The following TIPRL variants were observed in gnomAD, a reference collection of about 807,000 sequenced individuals.
TIPRL encodes TIP41-like protein.
In TIPRL, 10 loss-of-function variants were observed where a neutral mutation model predicts 32.3. That is an observed-to-expected ratio of 0.31 (90% CI 0.19 to 0.52). The LOEUF (loss-of-function observed/expected upper bound fraction) is 0.52. Among genes scored for constraint, TIPRL ranks in the 20% least tolerant of loss-of-function variants. The pLI is 0.96. For missense variants in TIPRL, 250 were observed against 328.1 expected, an observed-to-expected ratio of 0.76 and a Z score of 1.84; for synonymous variants, 100 against 114.0, an observed-to-expected ratio of 0.88 and a Z score of 0.78.
chr1:168,189,074 C>G, intron 3 of TIPRL, among the ~76,000 whole-genome samples: 1 of 152,136 alleles, frequency 6.6e-6, no homozygotes, highest in East Asian at 1.9e-4. Context: ...GGGTCCTTGT[C>G]CTTAGTGAGC....
At chr1:168,194,173 A>T (rs1169715789) in intron 4 of TIPRL, among the ~76,000 whole-genome samples, 2 of 152,126 alleles carry the variant, frequency 1.3e-5, no homozygotes, top group Non-Finnish European at 2.9e-5. Context: ...CTAAAGTCAG[A>T]TCATTATAAG....
At chr1:168,184,679 A>G in intron 2 of TIPRL, 100 bp from the exon 3 acceptor site, 2 of 761,970 alleles carry the variant, frequency 2.6e-6, no homozygotes, top group South Asian at 3.4e-5. Flanking sequence ...TATATTTAAT[A>G]GGATATGTTA....
At chr1:168,182,974 G>C (rs1347496889) in intron 1 of TIPRL, among the ~76,000 whole-genome samples, 1 of 152,032 alleles carries the variant, frequency 6.6e-6, no homozygotes, top group Non-Finnish European at 1.5e-5. Context: ...TAGTCCTGAA[G>C]ACCATTGTTA....
chr1:168,191,102 T>C (rs1326775188), intron 3 of TIPRL, among the ~76,000 whole-genome samples: 1 of 152,254 alleles, frequency 6.6e-6, no homozygotes, highest in Non-Finnish European at 1.5e-5. Context: ...AGAAGTTGAT[T>C]TTAATATGAC....
intron 1 of TIPRL, among the ~76,000 whole-genome samples, chr1:168,182,553 G>A (rs1699981149): frequency 6.7e-6 from 1 of 148,770 alleles, no homozygotes; most frequent in African/African-American, 2.6e-5. Flanking sequence ...TTGAATCTGG[G>A]AGGCGGAAGT....
chr1:168,196,660 A>G lies in TIPRL; in HGVS notation c.612+18A>G, dbSNP rs1261433298. On this transcript the variant is annotated intron_variant, in intron 5 of 6. Transcript: ENST00000367833. The stretch of plus-strand genomic sequence containing the variant: ...ACCATGAGGTATTTATTGTTGTTTA[A>G]TGAATATACTAATTGATACTGGGCT... 3.3e-6 allele frequency: 5 copies of G among 1,518,510 alleles called. No homozygotes were observed. The African/African-American group carries it at 6.9e-5, about 21-fold the overall frequency. The allele number at this position is 1,518,510 out of a possible 1,614,324, so 94.1% of individuals were successfully genotyped here.
chr1:168,193,482 C>G (rs1030854119), intron 4 of TIPRL, among the ~76,000 whole-genome samples: 1 of 152,086 alleles, frequency 6.6e-6, no homozygotes, highest in Admixed American at 6.5e-5. Context: ...ATTCTCTCTT[C>G]AGTTCACCTA....
At chr1:168,182,400 T>C (rs1428327141) in intron 1 of TIPRL, among the ~76,000 whole-genome samples, 2 of 152,050 alleles carry the variant, frequency 1.3e-5, no homozygotes, top group South Asian at 2.1e-4. Flanking sequence ...CCGAGGCAGG[T>C]GGATCACCTG....
chr1:168,190,450 AT>A (rs925352120), intron 3 of TIPRL, among the ~76,000 whole-genome samples: 15 of 152,076 alleles, frequency 9.9e-5, no homozygotes, highest in African/African-American at 2.7e-4. Context: ...ATCCTTTGTA[AT>A]TTTCTTCTGA....
chr1:168,195,325 C>G (rs1406147852), intron 4 of TIPRL, among the ~76,000 whole-genome samples: 1 of 152,154 alleles, frequency 6.6e-6, no homozygotes, highest in Non-Finnish European at 1.5e-5. Context: ...TTTCTGTGGT[C>G]AGCTCAAGCC....
At chr1:168,183,348 A>C (rs1699989675) in intron 1 of TIPRL, among the ~76,000 whole-genome samples, 1 of 150,348 alleles carries the variant, frequency 6.7e-6, no homozygotes, top group Non-Finnish European at 1.5e-5. Context: ...TTTGGGTCAT[A>C]AGTGTGTAAA....
At chr1:168,198,063 A>G (rs924562808) in intron 5 of TIPRL, among the ~76,000 whole-genome samples, 5 of 152,136 alleles carry the variant, frequency 3.3e-5, no homozygotes, top group African/African-American at 1.2e-4. Context: ...TATAAAATAT[A>G]TAATTATTAA....
At chr1:168,179,607 G>A (rs1195176059) in intron 1 of TIPRL, among the ~76,000 whole-genome samples, 1 of 145,520 alleles carries the variant, frequency 6.9e-6, no homozygotes, top group African/African-American at 2.7e-5. Context: ...GACAACGTGC[G>A]CCTCAATTCA....
rs1491386999 is a variant in TIPRL, at chr1:168,201,769, TCG to T, written c.*1724_*1725del. The T allele has an allele frequency of 6.4e-5, 7 of 109,848 alleles. No homozygotes were observed. Among genetic ancestry groups the T allele is most frequent in the African/African-American group, 2.8e-4 (7 of 25,124 alleles). The allele number at this position is 109,848 out of a possible 1,614,324, so 6.8% of individuals were successfully genotyped here. A position where few individuals can be genotyped will look rare whatever the true frequency, so the allele number is the denominator to read the frequency against. On this transcript the variant is annotated 3_prime_UTR_variant, in exon 7 of 7. Coordinates refer to ENST00000367833, the MANE Select transcript of TIPRL (RefSeq NM_152902.5). ...CATTAATTGGAGCTTCTGGGCAACA[TCG>T]TGTGTGTGTGTGTGTGTGTGTGTGT...
At chr1:168,191,744 C>T (rs1010896362) in intron 4 of TIPRL, among the ~76,000 whole-genome samples, 101 of 151,100 alleles carry the variant, frequency 6.7e-4, no homozygotes, top group African/African-American at 2.4e-3. Flanking sequence ...TGGTGGCGGG[C>T]GCCTGTAGTC....
At chr1:168,197,697 T>C (rs2102313742) in intron 5 of TIPRL, among the ~76,000 whole-genome samples, 1 of 152,148 alleles carries the variant, frequency 6.6e-6, no homozygotes, top group South Asian at 2.1e-4. Context: ...TTTGTTGTTG[T>C]TGTTTTTAAT....
intron 5 of TIPRL, among the ~76,000 whole-genome samples, chr1:168,198,271 A>G (rs1700178378): frequency 6.6e-6 from 1 of 152,084 alleles, no homozygotes; most frequent in South Asian, 2.1e-4. Context: ...TACAGTGACT[A>G]TTAATCTGTT....
chr1:168,196,540 TTTC>T lies in TIPRL; in HGVS notation c.517-6_517-4del. On this transcript the variant is annotated splice_region_variant and splice_polypyrimidine_tract_variant and intron_variant, in intron 4 of 6. Coordinates refer to ENST00000367833, the MANE Select transcript of TIPRL (RefSeq NM_152902.5). The stretch of plus-strand genomic sequence containing the variant: ...AAATATTAATGTACCTTTTTTTTTT[TTTC>T]CAGAGAGTAATGCCTTCTAGCTTTT... 1 of 1,527,926 alleles carries T rather than the reference TTTC, an allele frequency of 6.5e-7. No homozygotes were observed. Among genetic ancestry groups the T allele is most frequent in the Non-Finnish European group, 8.8e-7 (1 of 1,141,170 alleles). 94.6% of individuals were successfully genotyped at this position (1,527,926 alleles called of 1,614,324 possible). A position where few individuals can be genotyped will look rare whatever the true frequency, so the allele number is the denominator to read the frequency against.
chr1:168,195,136 T>A lies in TIPRL; in HGVS notation c.517-1411T>A, dbSNP rs538295568. Among the ~76,000 whole-genome samples the A allele has an allele frequency of 1.3e-5, 2 of 152,336 alleles. 1 individual carries two copies. The highest frequency in any genetic ancestry group is 3.9e-4 in the East Asian group (2 of 5,190). On this transcript the variant is annotated intron_variant, in intron 4 of 6. Coordinates refer to ENST00000367833, the MANE Select transcript of TIPRL (RefSeq NM_152902.5). ...CTGTGGCTGGTGACTCTCCAGGCAG[T>A]TAAGTCACTGTCATTACTGGGTTAT...
Sources: allele counts gnomAD v4.1 joint callset (sites outside exome capture counted in the v4.1 genomes callset), GRCh38; gene constraint gnomAD v4.1.1; transcripts MANE v1.5; gene names NCBI Gene and HGNC (gene_info 2026-07-23, HGNC 2026-07-21).